SVEP1: variants seen among roughly 807,000 people sequenced by gnomAD.
The protein encoded by SVEP1 is sushi, von Willebrand factor type A, EGF and pentraxin domain containing 1, also known as sushi, von Willebrand factor type A, EGF and pentraxin domain-containing protein 1.
In SVEP1, 164 loss-of-function variants were observed where a neutral mutation model predicts 367.3. The ratio of observed to expected loss-of-function variants is 0.45; its 90% confidence interval spans 0.39 to 0.51. The LOEUF (loss-of-function observed/expected upper bound fraction) is 0.51, where lower values mean the gene tolerates loss of function less well. Among genes scored for constraint, SVEP1 ranks in the 20% least tolerant of loss-of-function variants. SVEP1 has a pLI of 0.00. For missense variants in SVEP1, 4,117 were observed against 4,425.3 expected, an observed-to-expected ratio of 0.93 and a Z score of 1.98; for synonymous variants, 1,666 against 1,611.6, an observed-to-expected ratio of 1.03 and a Z score of -0.81.
chr9:110,512,276 G>T (rs1829730129), intron 5 of SVEP1, among the ~76,000 whole-genome samples: 1 of 151,888 alleles, frequency 6.6e-6, no homozygotes, highest in Non-Finnish European at 1.5e-5. Flanking sequence ...AACCCTACTT[G>T]TAAAACCCTA....
intron 40 of SVEP1, among the ~76,000 whole-genome samples, chr9:110,390,178 TGTATATATA>T (rs1827618147): frequency 2.0e-5 from 1 of 49,612 alleles, no homozygotes; most frequent in African/African-American, 8.5e-5. Flanking sequence ...TAAGTATGTA[TGTATATATA>T]CACTTATATA....
At chr9:110,453,920 T>A (rs1424437744) in intron 22 of SVEP1, among the ~76,000 whole-genome samples, 1 of 151,520 alleles carries the variant, frequency 6.6e-6, no homozygotes. Flanking sequence ...TGGTGTGAGA[T>A]GGTATCTCAC....
intron 3 of SVEP1, among the ~76,000 whole-genome samples, chr9:110,541,457 C>T (rs1292419323): frequency 2.0e-5 from 3 of 152,064 alleles, no homozygotes; most frequent in Admixed American, 6.6e-5. Context: ...AAGGCCTGTG[C>T]GCCAGCATGC....
At chr9:110,529,411 T>C (rs1588094358) in intron 3 of SVEP1, among the ~76,000 whole-genome samples, 1 of 152,252 alleles carries the variant, frequency 6.6e-6, no homozygotes, top group African/African-American at 2.4e-5. Flanking sequence ...GACATTGTTA[T>C]TTTGATAGGA....
Position 110,366,564 on chromosome 9 carries a change from GAAAA to G in SVEP1, c.10695-8_10695-5del. On this transcript the variant is annotated splice_region_variant and splice_polypyrimidine_tract_variant and intron_variant, in intron 47 of 47. Coordinates refer to ENST00000374469, the MANE Select transcript of SVEP1 (RefSeq NM_153366.4). ...TTAAAACCCAGTCCTCCTTTTCCTG[GAAAA>G]AAAAAAAAAAGCAACCAAATAGATT... 15 of 1,413,286 alleles carry G rather than the reference GAAAA, an allele frequency of 1.1e-5. No individual in the cohort carries two copies. Among genetic ancestry groups the G allele is most frequent in the Admixed American group, 1.0e-4 (4 of 39,204 alleles). 87.5% of individuals were successfully genotyped at this position (1,413,286 alleles called of 1,614,324 possible).
intron 1 of SVEP1, among the ~76,000 whole-genome samples, chr9:110,576,529 T>A (rs1317621098): frequency 1.3e-5 from 2 of 152,110 alleles, no homozygotes; most frequent in Non-Finnish European, 2.9e-5. Context: ...TTTTCCTGAT[T>A]ATTTTATTTT....
At position 110,504,315 on chromosome 9, in the gene SVEP1, C is replaced by T. The variant is rs554258952; in HGVS notation, c.1304-1098G>A. 5.3e-4 allele frequency among the ~76,000 whole-genome samples: 81 copies of T among 152,222 alleles called. 1 individual carries two copies. Among genetic ancestry groups the T allele is most frequent in the Middle Eastern group, 3.4e-3 (1 of 294 alleles). On this transcript the variant is annotated intron_variant, in intron 5 of 47. Coordinates refer to ENST00000374469, the MANE Select transcript of SVEP1 (RefSeq NM_153366.4). Reference sequence around the variant, plus strand: ...GACCTTGTGATCCGCCAGCCTCGGCCTCCCAAAGTGCTGGGATTACAGGCG... The same window carrying T: ...GACCTTGTGATCCGCCAGCCTCGGCTTCCCAAAGTGCTGGGATTACAGGCG...
chr9:110,431,921 A>G lies in SVEP1; in HGVS notation c.5347T>C (p.Cys1783Arg). 6.2e-7 allele frequency: 1 copy of G among 1,613,606 alleles called. No homozygotes were observed. The highest frequency in any genetic ancestry group is 1.1e-5 in the South Asian group (1 of 91,072). ...VPPYTGDGKN[C>R]AEPIKCKAPG... Reference sequence around the variant, plus strand: ...TTCTACATATATTGGTTACCTGCACAGTTTTTCCCATCTCCTGTGTACGGT... The same window carrying G: ...TTCTACATATATTGGTTACCTGCACGGTTTTTCCCATCTCCTGTGTACGGT... Residue 1783 changes from cysteine (C) to arginine (R), a missense_variant, in exon 32 of 48, where the codon TGT (cysteine) becomes CGT (arginine). Coordinates refer to ENST00000374469, the MANE Select transcript of SVEP1 (RefSeq NM_153366.4).
chr9:110,557,672 T>G (rs1830371995), intron 1 of SVEP1, among the ~76,000 whole-genome samples: 1 of 152,202 alleles, frequency 6.6e-6, no homozygotes, highest in Non-Finnish European at 1.5e-5. Context: ...TCAGTCATAG[T>G]GTTTCCAACA....
chr9:110,392,945 A>G (rs1305745020), intron 40 of SVEP1, among the ~76,000 whole-genome samples: 1 of 152,124 alleles, frequency 6.6e-6, no homozygotes, highest in Non-Finnish European at 1.5e-5. Context: ...AATATTTTAC[A>G]TTTCTTGTCC....
intron 27 of SVEP1, among the ~76,000 whole-genome samples, chr9:110,437,806 A>C (rs564454599): frequency 6.6e-6 from 1 of 152,252 alleles, no homozygotes; most frequent in South Asian, 2.1e-4. Flanking sequence ...CCTTCCCTCA[A>C]GTCCCCAAAG....
chr9:110,446,926 C>A lies in SVEP1; in HGVS notation c.4235G>T (p.Gly1412Val). 1 of 1,538,352 alleles carries A rather than the reference C, an allele frequency of 6.5e-7. No homozygotes were observed. The highest frequency in any genetic ancestry group is 8.8e-7 in the Non-Finnish European group (1 of 1,141,850). The part of the protein sequence containing the change: ...LNSYSCKCQP[G>V]FSGKRCETEQ... ...TGTTTCACACCTTTTGCCTGAAAAT[C>A]CTGGCTGACATTTACAACTGTATGA... The change falls in exon 25 of 48, where the codon GGA becomes GTA. Residue 1412 changes from glycine to valine, a missense_variant. Transcript: ENST00000374469.
At chr9:110,451,609 C>T (rs1170826292) in intron 22 of SVEP1, among the ~76,000 whole-genome samples, 2 of 152,124 alleles carry the variant, frequency 1.3e-5, no homozygotes, top group Non-Finnish European at 2.9e-5. Flanking sequence ...ATTCAGCATG[C>T]AATGGAAAAT....
intron 27 of SVEP1, chr9:110,443,330 TCAAA>T: frequency 2.3e-6 from 1 of 440,960 alleles, no homozygotes. Flanking sequence ...ATGTAGATCT[TCAAA>T]GGCATTTCTC....
chr9:110,423,168 TAAAAAAAAA>T, intron 36 of SVEP1, among the ~76,000 whole-genome samples: 1 of 103,650 alleles, frequency 9.6e-6, no homozygotes, highest in Non-Finnish European at 2.0e-5. Context: ...AAAAATAAAG[TAAAAAAAAA>T]AAAAAAGAAA....
chr9:110,486,824 T>C (rs189542339), intron 9 of SVEP1, among the ~76,000 whole-genome samples: 29 of 152,240 alleles, frequency 1.9e-4, no homozygotes, highest in African/African-American at 7.0e-4. Flanking sequence ...TTTGTATTTT[T>C]AGTAGAGACA....
intron 1 of SVEP1, among the ~76,000 whole-genome samples, chr9:110,575,497 A>G (rs1380840299): frequency 1.3e-5 from 2 of 152,186 alleles, no homozygotes; most frequent in Non-Finnish European, 2.9e-5. Flanking sequence ...GACCAGGTCC[A>G]ACAGGGAACT....
chr9:110,403,055 G>T (rs1438544494), intron 39 of SVEP1, among the ~76,000 whole-genome samples: 1 of 151,930 alleles, frequency 6.6e-6, no homozygotes, highest in Non-Finnish European at 1.5e-5. Context: ...AGGAATATAA[G>T]GTCATAGAAC....
rs1363779402 is a variant in SVEP1, at chr9:110,407,748, G to A, written c.7852C>T (p.His2618Tyr). 4 of 1,613,840 alleles carry A rather than the reference G, an allele frequency of 2.5e-6. No individual in the cohort carries two copies. The highest frequency in any genetic ancestry group is 1.7e-5 in the Admixed American group (1 of 60,000). ...CMPIDCGLPP[H>Y]IDFGDCTKLK... The stretch of plus-strand genomic sequence containing the variant: ...TTAGTACAGTCTCCAAAATCTATAT[G>A]AGGAGGGAGGCCACAGTCTATTGGC... The change falls in exon 38 of 48, where the codon CAT (histidine) becomes TAT (tyrosine). Residue 2618 changes from histidine to tyrosine, a missense_variant. His to Tyr is a moderately conservative substitution (Grantham distance 83). Around this residue, in one of 4 missense-constraint regions of SVEP1, gnomAD observed 1,765 missense variants for 1,781.1 expected, o/e 0.99. Coordinates refer to ENST00000374469, the MANE Select transcript of SVEP1 (RefSeq NM_153366.4).
Sources: allele counts gnomAD v4.1 joint callset (sites outside exome capture counted in the v4.1 genomes callset), GRCh38; gene constraint gnomAD v4.1.1; regional missense constraint gnomAD v4.1.1; transcripts MANE v1.5; gene names NCBI Gene and HGNC (gene_info 2026-07-23, HGNC 2026-07-21).